The following TNS3 variants were observed in gnomAD, a reference collection of about 807,000 sequenced individuals.
TNS3 encodes the protein tensin-3.
Under a neutral mutation model 140.9 loss-of-function variants are expected in TNS3, and 45 were observed. That is an observed-to-expected ratio of 0.32 (90% CI 0.25 to 0.41). TNS3 has a LOEUF of 0.41. Ranked by LOEUF, TNS3 falls within the 10% of genes least tolerant of loss-of-function variation. The probability of loss-of-function intolerance (pLI) is 1.00; values close to 1 mark genes in which losing one functional copy is unlikely to be tolerated. For synonymous variants in TNS3, 815 were observed against 788.4 expected (o/e 1.03, Z -0.56); for missense variants, 1,716 against 1,906.7 (o/e 0.90, Z 1.86).
chr7:47,539,065 C>T (rs766550629), intron 1 of TNS3: 400 of 456,560 alleles, frequency 8.8e-4, no homozygotes, highest in Non-Finnish European at 1.5e-3. Flanking sequence ...GGATCTACCA[C>T]CGCCCTTACC....
chr7:47,463,051 G>A (rs1403357788), intron 4 of TNS3, among the ~76,000 whole-genome samples: 1 of 152,166 alleles, frequency 6.6e-6, no homozygotes, highest in Non-Finnish European at 1.5e-5. Context: ...TAAAGTTGCT[G>A]CAAACACTGA....
At chr7:47,470,639 T>C (rs948481989) in intron 4 of TNS3, 58 of 985,346 alleles carry the variant, frequency 5.9e-5, no homozygotes, top group Non-Finnish European at 7.0e-5. Context: ...GCAGCAACCC[T>C]GAACCACAGA....
intron 4 of TNS3, among the ~76,000 whole-genome samples, chr7:47,468,481 TC>T (rs975826215): frequency 6.6e-6 from 1 of 151,882 alleles, no homozygotes; most frequent in African/African-American, 2.4e-5. Context: ...TATTTAATGT[TC>T]CCCTTCAGTA....
intron 1 of TNS3, among the ~76,000 whole-genome samples, chr7:47,577,811 C>T (rs1212140401): frequency 6.6e-6 from 1 of 152,126 alleles, no homozygotes; most frequent in Non-Finnish European, 1.5e-5. Context: ...AGAGGGCTCC[C>T]AGGGCTTCCT....
chr7:47,446,439 T>G (rs775873705), intron 4 of TNS3, among the ~76,000 whole-genome samples: 3 of 152,174 alleles, frequency 2.0e-5, no homozygotes, highest in Admixed American at 1.3e-4. Flanking sequence ...AGAGTTTCCA[T>G]GAGATAGAAA....
chr7:47,536,587 C>T (rs986259623), intron 1 of TNS3, among the ~76,000 whole-genome samples: 4 of 152,214 alleles, frequency 2.6e-5, no homozygotes, highest in Non-Finnish European at 5.9e-5. Context: ...ATCCCAATTC[C>T]ATTGCAGGGA....
At chr7:47,302,896 C>T in intron 22 of TNS3, 54 bp downstream of exon 22, 1 of 1,542,204 alleles carries the variant, frequency 6.5e-7, no homozygotes, top group Non-Finnish European at 8.7e-7. Context: ...GAACCCTTCC[C>T]TTCCCCAGTG....
At position 47,435,431 on chromosome 7, in the gene TNS3, G is replaced by A. The variant is rs77406116; in HGVS notation, c.202-27C>T. ...TGCAACAAGAAAGGGGAGCTTCCTC[G>A]GTTTCCATTTCCTAAAACCTTCTGA... On this transcript the variant is annotated intron_variant, in intron 7 of 30. Transcript: ENST00000311160. 3.1e-3 allele frequency: 4,939 copies of A among 1,610,694 alleles called. 122 individuals carry two copies. In the African/African-American group the frequency reaches 0.058, roughly 19 times the overall value.
intron 17 of TNS3, among the ~76,000 whole-genome samples, chr7:47,351,576 A>G (rs1231616043): frequency 6.6e-6 from 1 of 152,194 alleles, no homozygotes; most frequent in Non-Finnish European, 1.5e-5. Flanking sequence ...CAGGAAGCCC[A>G]GTAGTGGAAC....
intron 20 of TNS3, among the ~76,000 whole-genome samples, chr7:47,313,425 G>A (rs1249172147): frequency 6.6e-6 from 1 of 152,192 alleles, no homozygotes; most frequent in Non-Finnish European, 1.5e-5. Flanking sequence ...GTGGACAGTT[G>A]GTTGATCAGT....
intron 5 of TNS3, among the ~76,000 whole-genome samples, chr7:47,440,389 C>T (rs1008460485): frequency 1.3e-5 from 2 of 152,198 alleles, no homozygotes; most frequent in Non-Finnish European, 2.9e-5. Context: ...CAGCTAGCCA[C>T]AGGCCAGGTG....
chr7:47,497,919 C>CA (rs1798073738), intron 3 of TNS3, among the ~76,000 whole-genome samples: 2 of 152,174 alleles, frequency 1.3e-5, no homozygotes, highest in Non-Finnish European at 2.9e-5. Flanking sequence ...GTTTTGAATT[C>CA]AGGGGCCTCA....
chr7:47,278,025 G>A lies in TNS3; in HGVS notation c.*51C>T. On this transcript the variant is annotated 3_prime_UTR_variant, in exon 31 of 31. Transcript: ENST00000311160. ...GGGGCCCCACCCTCACCCAACGGCTGTCTCCAGGGCTTCGAGAGGCATCGG... is the reference window on the plus strand; with the variant it reads ...GGGGCCCCACCCTCACCCAACGGCTATCTCCAGGGCTTCGAGAGGCATCGG... The A allele has an allele frequency of 6.2e-7, 1 of 1,613,020 alleles. No homozygotes were observed. The highest frequency in any genetic ancestry group is 1.1e-5 in the South Asian group (1 of 90,856).
At chr7:47,508,360 C>G (rs1798492615) in intron 2 of TNS3, among the ~76,000 whole-genome samples, 1 of 152,204 alleles carries the variant, frequency 6.6e-6, no homozygotes, top group Non-Finnish European at 1.5e-5. Context: ...TATCCTACAC[C>G]TTCTGATGGG....
intron 9 of TNS3, among the ~76,000 whole-genome samples, chr7:47,424,630 T>C (rs183829058): frequency 3.0e-4 from 46 of 152,214 alleles, no homozygotes; most frequent in Admixed American, 4.6e-4. Flanking sequence ...ACCACATGGA[T>C]GCAGGGAGCA....
chr7:47,485,026 G>T (rs1428499699), intron 3 of TNS3, among the ~76,000 whole-genome samples: 1 of 152,214 alleles, frequency 6.6e-6, no homozygotes, highest in Non-Finnish European at 1.5e-5. Context: ...CATCCCCTGA[G>T]ACCGTCCTGC....
At position 47,368,382 on chromosome 7, in the gene TNS3, C is replaced by G. The variant is rs764170770; in HGVS notation, c.2264G>C (p.Arg755Thr). Reference protein sequence around the residue: ...RLPDTGEGPSRATGRQGSSAE... With the variant: ...RLPDTGEGPSTATGRQGSSAE... ...CAGCTCACCTTGCCGCCCGGTGGCC[C>G]TGCTGGGGCCCTCTCCTGTGTCAGG... The change falls in exon 17 of 31, where the codon AGG (arginine) becomes ACG (threonine). Residue 755 changes from arginine (R) to threonine (T), a missense_variant. By Grantham distance (71) the Arg-to-Thr change is moderately conservative (BLOSUM62 -1). Coordinates refer to ENST00000311160, the MANE Select transcript of TNS3 (RefSeq NM_022748.12). 12 of 1,491,618 alleles carry G rather than the reference C, an allele frequency of 8.0e-6. No homozygotes were observed. In the Middle Eastern group the frequency reaches 2.3e-3, roughly 287 times the overall value. The allele number at this position is 1,491,618 out of a possible 1,614,324, so 92.4% of individuals were successfully genotyped here.
intron 4 of TNS3, among the ~76,000 whole-genome samples, chr7:47,468,513 C>G (rs377488734): frequency 2.0e-5 from 3 of 152,210 alleles, no homozygotes; most frequent in East Asian, 1.9e-4. Context: ...TTTCCCGAAC[C>G]AATCACATAT....
At chr7:47,424,523 T>C (rs986052134) in intron 9 of TNS3, among the ~76,000 whole-genome samples, 5 of 152,302 alleles carry the variant, frequency 3.3e-5, no homozygotes, top group Middle Eastern at 3.4e-3. Flanking sequence ...GTAGGGCTGG[T>C]GTCCAAAACT....
Sources: gnomAD v4.1 joint callset for allele counts (sites outside exome capture counted in the v4.1 genomes callset) on GRCh38, gnomAD v4.1.1 for gene constraint, MANE v1.5 for transcripts, NCBI Gene and HGNC (gene_info 2026-07-23, HGNC 2026-07-21) for gene names.